Variants in ANK3 observed in about 807,000 individuals in gnomAD.
ANK3 encodes ankyrin-3.
In ANK3, 57 loss-of-function variants were observed where a neutral mutation model predicts 370.9. The ratio of observed to expected loss-of-function variants is 0.15; its 90% CI spans 0.12 to 0.19. ANK3 has a LOEUF of 0.19. Ranked by LOEUF, ANK3 falls within the 10% of genes least tolerant of loss-of-function variation. The probability of loss-of-function intolerance (pLI) is 1.00; values close to 1 mark genes in which losing one functional copy is unlikely to be tolerated. For synonymous variants in ANK3, 1,929 were observed against 1,946.3 expected, an observed-to-expected ratio of 0.99 and a Z score of 0.23; for missense variants, 4,439 against 5,302.1, an observed-to-expected ratio of 0.84 and a Z score of 5.06.
At chr10:60,141,567 T>TGTTTTTTG (rs1554993235) in intron 23 of ANK3, among the ~76,000 whole-genome samples, 1 of 53,578 alleles carries the variant, frequency 1.9e-5, no homozygotes, top group African/African-American at 4.9e-5. Flanking sequence ...TGCTGTTTTT[T>TGTTTTTTG]TTTTTTTTTT....
At chr10:60,506,398 T>C (rs770713390) in intron 2 of ANK3, among the ~76,000 whole-genome samples, 7 of 152,082 alleles carry the variant, frequency 4.6e-5, no homozygotes, top group African/African-American at 1.2e-4. Flanking sequence ...CGAACTTCTA[T>C]TAAAGAGAAA....
intron 1 of ANK3, among the ~76,000 whole-genome samples, chr10:60,721,399 C>T (rs35122884): frequency 4.6e-5 from 7 of 152,160 alleles, no homozygotes; most frequent in Non-Finnish European, 1.0e-4. Context: ...ATAGCATGGT[C>T]ACAGGATCAG....
chr10:60,157,185 G>T lies in ANK3; in HGVS notation c.2614+9406C>A, dbSNP rs542889259. 6.6e-5 allele frequency among the ~76,000 whole-genome samples: 10 copies of T among 151,572 alleles called. No homozygotes were observed. In the East Asian group the frequency reaches 1.2e-3, roughly 18 times the overall value. On this transcript the variant is annotated intron_variant, in intron 23 of 43. Coordinates refer to ENST00000280772, the MANE Select transcript of ANK3 (RefSeq NM_020987.5). Reference sequence around the variant, plus strand: ...CCTGAGTAGCTGGGATTACAGGCACGTGCCACCACGCCTGGCTAATTTTGT... The same window carrying T: ...CCTGAGTAGCTGGGATTACAGGCACTTGCCACCACGCCTGGCTAATTTTGT...
intron 2 of ANK3, among the ~76,000 whole-genome samples, chr10:60,446,282 C>T (rs151320949): frequency 2.6e-5 from 4 of 152,250 alleles, no homozygotes; most frequent in African/African-American, 9.6e-5. Context: ...TGCACTCATC[C>T]AGAGCCAACT....
chr10:60,317,952 G>A (rs954762156), intron 1 of ANK3, among the ~76,000 whole-genome samples: 25 of 151,856 alleles, frequency 1.6e-4, no homozygotes, highest in Admixed American at 5.9e-4. Flanking sequence ...TCCTGACCTC[G>A]TGATCAGCCC....
intron 1 of ANK3, among the ~76,000 whole-genome samples, chr10:60,301,861 C>T (rs772665607): frequency 6.6e-6 from 1 of 152,172 alleles, no homozygotes; most frequent in Non-Finnish European, 1.5e-5. Flanking sequence ...CTAAAGAACC[C>T]ATCATTATAA....
chr10:60,372,601 A>T (rs577770895), intron 1 of ANK3, among the ~76,000 whole-genome samples: 1 of 152,196 alleles, frequency 6.6e-6, no homozygotes, highest in Non-Finnish European at 1.5e-5. Flanking sequence ...GTTCAGAGAT[A>T]GGACATTTCC....
chr10:60,160,560 G>A (rs1226775556), intron 23 of ANK3, among the ~76,000 whole-genome samples: 1 of 151,994 alleles, frequency 6.6e-6, no homozygotes, highest in South Asian at 2.1e-4. Flanking sequence ...TGAGGCCAGT[G>A]TTACCATGAT....
intron 1 of ANK3, among the ~76,000 whole-genome samples, chr10:60,642,562 C>G (rs936177189): frequency 2.7e-5 from 4 of 149,576 alleles, no homozygotes; most frequent in African/African-American, 7.3e-5. Flanking sequence ...TGTTCTCACT[C>G]ATAGGTGGGA....
At chr10:60,423,888 C>T (rs974245409) in intron 2 of ANK3, among the ~76,000 whole-genome samples, 2 of 152,046 alleles carry the variant, frequency 1.3e-5, no homozygotes, top group Admixed American at 6.6e-5. Context: ...AACTCTCCTA[C>T]CATTCTTTCA....
chr10:60,075,574 G>C lies in ANK3; in HGVS notation c.5307C>G (p.Thr1769=). The change falls in exon 37 of 44, where the codon ACC becomes ACG. Residue 1769 remains threonine (T), a synonymous_variant. Coordinates refer to ENST00000280772, the MANE Select transcript of ANK3 (RefSeq NM_020987.5). ...ATDTVEKVFS[T]TTAMPFSPLR... is the part of the protein sequence containing the mutation. ...GTGGGGAAAATGGCATTGCAGTCGT[G>C]GTAGAAAACACTTTCTCAACTGTGT... 6.2e-7 allele frequency: 1 copy of C among 1,614,040 alleles called. No individual in the cohort carries two copies. The highest frequency in any genetic ancestry group is 1.7e-5 in the Admixed American group (1 of 60,002).
At chr10:60,272,297 C>A (rs1397829661) in intron 4 of ANK3, among the ~76,000 whole-genome samples, 1 of 151,860 alleles carries the variant, frequency 6.6e-6, no homozygotes, top group African/African-American at 2.4e-5. Context: ...TTTAAATATT[C>A]TTTAAGCAAC....
chr10:60,599,091 G>C (rs947972167), intron 2 of ANK3, among the ~76,000 whole-genome samples: 2 of 152,032 alleles, frequency 1.3e-5, no homozygotes, highest in Non-Finnish European at 2.9e-5. Flanking sequence ...ACTGTGACTG[G>C]CTAATTTTTT....
At chr10:60,684,277 C>G (rs969818985) in intron 1 of ANK3, among the ~76,000 whole-genome samples, 1 of 152,206 alleles carries the variant, frequency 6.6e-6, no homozygotes, top group African/African-American at 2.4e-5. Flanking sequence ...ACCATTAGGA[C>G]AGTCTGGCGC....
intron 2 of ANK3, among the ~76,000 whole-genome samples, chr10:60,594,460 T>G (rs1174540595): frequency 1.3e-5 from 2 of 152,226 alleles, no homozygotes; most frequent in Non-Finnish European, 2.9e-5. Context: ...GATTATAGCA[T>G]GTACCTGATT....
chr10:60,157,174 A>G (rs2095356968), intron 23 of ANK3, among the ~76,000 whole-genome samples: 2 of 150,860 alleles, frequency 1.3e-5, no homozygotes, highest in Admixed American at 1.3e-4. Context: ...AGTAGCTGGG[A>G]TTACAGGCAC....
intron 42 of ANK3, among the ~76,000 whole-genome samples, chr10:60,052,569 A>G (rs1215485196): frequency 6.6e-6 from 1 of 152,184 alleles, no homozygotes; most frequent in African/African-American, 2.4e-5. Flanking sequence ...ACAAAATATT[A>G]ATTTTTAGGC....
At chr10:60,222,430 A>AG (rs1286994473) in intron 8 of ANK3, among the ~76,000 whole-genome samples, 1 of 151,854 alleles carries the variant, frequency 6.6e-6, no homozygotes, top group East Asian at 1.9e-4. Context: ...GTTAAAAAAA[A>AG]AAAAAAGAGG....
At chr10:60,676,326 T>C (rs2079125177) in intron 1 of ANK3, among the ~76,000 whole-genome samples, 1 of 152,190 alleles carries the variant, frequency 6.6e-6, no homozygotes, top group Non-Finnish European at 1.5e-5. Context: ...TGTTCATATG[T>C]CCGTTAAATT....
Sources: allele counts gnomAD v4.1 joint callset (sites outside exome capture counted in the v4.1 genomes callset), GRCh38; gene constraint gnomAD v4.1.1; transcripts MANE v1.5; gene names NCBI Gene and HGNC (gene_info 2026-07-23, HGNC 2026-07-21).